ANO2: variants seen among roughly 807,000 people sequenced by gnomAD.
ANO2 encodes anoctamin 2.
A neutral mutation model predicts 124.2 loss-of-function variants in ANO2; 101 were observed. That is an observed-to-expected ratio of 0.81 (90% CI 0.69 to 0.96). The LOEUF is 0.96. Among genes scored for constraint, ANO2 ranks in the 40% least tolerant of loss-of-function variants. The pLI is 0.00. For synonymous variants in ANO2, 486 were observed against 482.5 expected (o/e 1.01, Z -0.09); for missense variants, 1,293 against 1,274.5 (o/e 1.01, Z -0.22).
intron 14 of ANO2, among the ~76,000 whole-genome samples, chr12:5,686,125 C>T (rs1333353459): frequency 2.6e-5 from 4 of 152,304 alleles, no homozygotes; most frequent in Non-Finnish European, 4.4e-5. Context: ...GGGCAAGTCC[C>T]GGGTAGCTCT....
At chr12:5,766,749 G>C (rs756366309) in intron 10 of ANO2, among the ~76,000 whole-genome samples, 16 of 152,210 alleles carry the variant, frequency 1.1e-4, no homozygotes, top group Non-Finnish European at 1.8e-4. Flanking sequence ...ATTCCCTGCA[G>C]GTCATCTTGT....
At chr12:5,693,455 T>C (rs984076134) in intron 14 of ANO2, among the ~76,000 whole-genome samples, 2 of 152,124 alleles carry the variant, frequency 1.3e-5, no homozygotes, top group African/African-American at 2.4e-5. Flanking sequence ...TGCGCCACTG[T>C]CACCTCCCCT....
chr12:5,933,180 T>C (rs1942501265), intron 1 of ANO2, among the ~76,000 whole-genome samples: 1 of 152,190 alleles, frequency 6.6e-6, no homozygotes, highest in African/African-American at 2.4e-5. Context: ...ACCATCTTTC[T>C]TGTCAACCTT....
intron 9 of ANO2, among the ~76,000 whole-genome samples, chr12:5,804,529 AG>A (rs1953133279): frequency 2.0e-5 from 3 of 152,170 alleles, no homozygotes; most frequent in Admixed American, 2.0e-4. Context: ...CAACTTTGGG[AG>A]TTATCCATGG....
At chr12:5,671,237 C>G (rs1947986490) in intron 14 of ANO2, among the ~76,000 whole-genome samples, 1 of 152,048 alleles carries the variant, frequency 6.6e-6, no homozygotes, top group East Asian at 1.9e-4. Flanking sequence ...AAGTCACTAT[C>G]ATCATCTGTG....
At chr12:5,565,271 G>T (rs1176730620) in intron 24 of ANO2, among the ~76,000 whole-genome samples, 1 of 152,002 alleles carries the variant, frequency 6.6e-6, no homozygotes, top group Non-Finnish European at 1.5e-5. Context: ...TTTGCCTTAG[G>T]TTTAAACAGG....
At chr12:5,840,946 C>T (rs927475188) in intron 4 of ANO2, among the ~76,000 whole-genome samples, 1 of 152,178 alleles carries the variant, frequency 6.6e-6, no homozygotes, top group African/African-American at 2.4e-5. Flanking sequence ...AAGGCTCAGA[C>T]ACACAGAGAA....
intron 1 of ANO2, among the ~76,000 whole-genome samples, chr12:5,926,994 A>G (rs1942110852): frequency 6.6e-6 from 1 of 152,216 alleles, no homozygotes; most frequent in South Asian, 2.1e-4. Flanking sequence ...TGAGCTATGA[A>G]AAATGCACAG....
intron 1 of ANO2, among the ~76,000 whole-genome samples, chr12:5,943,499 G>A (rs1455753655): frequency 4.6e-5 from 7 of 152,064 alleles, no homozygotes; most frequent in Admixed American, 4.6e-4. Context: ...GGACTTTGGG[G>A]ACTCAGCGGG....
chr12:5,665,343 T>G (rs1444012599), intron 14 of ANO2, among the ~76,000 whole-genome samples: 3 of 152,150 alleles, frequency 2.0e-5, no homozygotes, highest in Non-Finnish European at 4.4e-5. Context: ...GTATTCTAGA[T>G]TCATGCCATC....
chr12:5,732,525 C>T lies in ANO2; in HGVS notation c.1540G>A (p.Asp514Asn), dbSNP rs999070264. ...KLETNTTECG[D>N]EDDEDKLTWK... ...CAGCAAGTCCAGCTTCATACCTCAT[C>T]GCCACACTCCGTCGTGTTTGTTTCC... Residue 514 changes from aspartate (D) to asparagine (N), a missense_variant, in exon 14 of 25, where the codon GAT becomes AAT. By Grantham distance (23) the Asp-to-Asn change is conservative (BLOSUM62 1). Transcript: ENST00000682330. 1.5e-5 allele frequency: 24 copies of T among 1,611,704 alleles called. No individual in the cohort carries two copies. The highest frequency in any genetic ancestry group is 2.0e-5 in the Non-Finnish European group (23 of 1,178,918).
intron 14 of ANO2, among the ~76,000 whole-genome samples, chr12:5,678,259 G>C (rs1948341378): frequency 6.6e-6 from 1 of 152,178 alleles, no homozygotes; most frequent in South Asian, 2.1e-4. Flanking sequence ...GGCTGCATAC[G>C]CTTGATGGCT....
intron 4 of ANO2, among the ~76,000 whole-genome samples, chr12:5,851,483 C>T (rs561010493): frequency 1.3e-5 from 2 of 152,024 alleles, no homozygotes; most frequent in African/African-American, 2.4e-5. Context: ...ATCAGAAATT[C>T]GAGACCAGCT....
chr12:5,920,875 T>C (rs546232814), intron 3 of ANO2, among the ~76,000 whole-genome samples, 165 bp downstream of exon 3: 1 of 151,592 alleles, frequency 6.6e-6, no homozygotes, highest in East Asian at 1.9e-4. Context: ...TCAAAAAAAA[T>C]TTTTTTTAAA....
At position 5,922,672 on chromosome 12, in the gene ANO2, G is replaced by C. The variant is rs1424629583; in HGVS notation, c.155C>G (p.Ser52Cys). 7.6e-6 allele frequency: 12 copies of C among 1,568,740 alleles called. No homozygotes were observed. Among genetic ancestry groups the C allele is most frequent in the Non-Finnish European group, 1.0e-5 (12 of 1,158,836 alleles). The change falls in exon 2 of 25, where the codon TCC becomes TGC. Residue 52 changes from serine (S) to cysteine (C), a missense_variant. Physicochemically the swap from Ser to Cys is moderately radical, Grantham distance 112. Transcript: ENST00000682330. ...GPRAPGLQGGSNRDPGQPCGG... is the reference protein window; with the variant it reads ...GPRAPGLQGGCNRDPGQPCGG... ...GCAGGGCTGGCCAGGATCTCTGTTG[G>C]AACCGCCCTGCAGACCTGGGGCCCG...
intron 19 of ANO2, chr12:5,609,101 C>T (rs975722234): frequency 6.6e-6 from 1 of 152,186 alleles, no homozygotes; most frequent in Non-Finnish European, 1.5e-5. Context: ...TTTTCCATAA[C>T]AAATGATGTC....
chr12:5,620,338 G>T (rs1945048129), intron 16 of ANO2, among the ~76,000 whole-genome samples: 1 of 152,214 alleles, frequency 6.6e-6, no homozygotes, highest in Non-Finnish European at 1.5e-5. Context: ...ACAGGCAGGG[G>T]TGAGACCCTA....
chr12:5,610,713 C>CACATATATACATATAT (rs1263476947), intron 19 of ANO2, among the ~76,000 whole-genome samples: 1 of 68,764 alleles, frequency 1.5e-5, no homozygotes, highest in Non-Finnish European at 2.9e-5. Context: ...TGTATGTGTA[C>CACATATATACATATAT]ACATATATAC....
intron 1 of ANO2, among the ~76,000 whole-genome samples, chr12:5,923,178 A>ACG (rs1466514045): frequency 1.6e-5 from 1 of 62,566 alleles, no homozygotes; most frequent in Non-Finnish European, 4.1e-5. Flanking sequence ...ACACACGCAC[A>ACG]CACACATACA....
Sources: gnomAD v4.1 joint callset for allele counts (sites outside exome capture counted in the v4.1 genomes callset) on GRCh38, gnomAD v4.1.1 for gene constraint, MANE v1.5 for transcripts, NCBI Gene and HGNC (gene_info 2026-07-23, HGNC 2026-07-21) for gene names.